The following TET3 variants were observed in gnomAD, a reference collection of about 807,000 sequenced individuals.
The protein encoded by TET3 is tet methylcytosine dioxygenase 3.
Under a neutral mutation model 141.4 loss-of-function variants are expected in TET3, and 19 were observed. The observed-to-expected ratio is 0.13, with a 90% CI of 0.09 to 0.20. The LOEUF (loss-of-function observed/expected upper bound fraction) is 0.20. TET3 is among the 10% of genes least tolerant of loss of function. The pLI is 1.00. For synonymous variants in TET3, 1,043 were observed against 980.9 expected, an observed-to-expected ratio of 1.06 and a Z score of -1.18; for missense variants, 1,874 against 2,356.9, an observed-to-expected ratio of 0.80 and a Z score of 4.24.
rs367708932 is a variant in TET3, at chr2:74,046,440, C to T, written c.523C>T (p.Arg175Trp). 47 of 1,600,330 alleles carry T rather than the reference C, an allele frequency of 2.9e-5. No homozygotes were observed. The highest frequency in any genetic ancestry group is 2.0e-4 in the East Asian group (9 of 44,856). Reference sequence around the variant, plus strand: ...TCTGCTGGGGACTGGGGGTCCTTGGCGGGTAGACCAAAAGCCCGACTGGGA... The same window carrying T: ...TCTGCTGGGGACTGGGGGTCCTTGGTGGGTAGACCAAAAGCCCGACTGGGA... The part of the protein sequence containing the change: ...PSLLGTGGPW[R>W]VDQKPDWEAA... The change falls in exon 4 of 12, where the codon CGG (arginine) becomes TGG (tryptophan). Residue 175 changes from arginine to tryptophan, a missense_variant. Arg to Trp is a moderately radical substitution (Grantham distance 101, BLOSUM62 -3). Around this residue, in one of 10 missense-constraint regions of TET3, gnomAD observed 366 missense variants for 487.0 expected, o/e 0.75. Transcript: ENST00000409262. The surrounding 1 kb of genome is among the most constrained non-coding windows in gnomAD (Gnocchi z 4.3).
intron 3 of TET3, among the ~76,000 whole-genome samples, chr2:74,022,094 CTTTTTT>C (rs34529157): frequency 7.3e-5 from 6 of 82,754 alleles, no homozygotes; most frequent in East Asian, 6.9e-4. Flanking sequence ...TTCTAGGACA[CTTTTTT>C]TTTTTTTTTT....
the TET3 span, among the ~76,000 whole-genome samples, chr2:74,118,556 G>A: frequency 6.6e-6 from 1 of 151,970 alleles, no homozygotes; most frequent in East Asian, 1.9e-4. Context: ...TATCAGTAAG[G>A]CTTCTGGTCA....
rs577582658 is a variant in TET3 at position 74,088,076 on chromosome 2, T to A, written c.2888+38T>A. ...GGGCTTCAGGGCCAGGGCCCACCTATAGGGTCCTGGGCAGCAAATACAGGA... is the reference window on the plus strand; with the variant it reads ...GGGCTTCAGGGCCAGGGCCCACCTAAAGGGTCCTGGGCAGCAAATACAGGA... On this transcript the variant is annotated intron_variant, in intron 7 of 11. Coordinates refer to ENST00000409262, the MANE Select transcript of TET3 (RefSeq NM_001287491.2). 2.3e-4 allele frequency: 354 copies of A among 1,541,600 alleles called. 1 individual carries two copies. In the South Asian group the frequency reaches 4.0e-3, roughly 17 times the overall value.
At chr2:74,075,549 G>T (rs1016409771) in intron 5 of TET3, among the ~76,000 whole-genome samples, 6 of 151,600 alleles carry the variant, frequency 4.0e-5, no homozygotes, top group African/African-American at 1.5e-4. Context: ...GGCTGGTCTC[G>T]AACTCCTGAC....
At chr2:74,057,504 C>T (rs774771847) in intron 4 of TET3, among the ~76,000 whole-genome samples, 1 of 152,230 alleles carries the variant, frequency 6.6e-6, no homozygotes. Flanking sequence ...AGAATTTGAG[C>T]ACTGTCCAGG....
chr2:74,092,590 A>G (rs928380669), intron 8 of TET3, among the ~76,000 whole-genome samples: 1 of 152,120 alleles, frequency 6.6e-6, no homozygotes. Context: ...GGTGTTCAGC[A>G]CTCGAAAGCA....
chr2:74,048,630 A>G (rs571746826), intron 4 of TET3, among the ~76,000 whole-genome samples: 1 of 152,356 alleles, frequency 6.6e-6, no homozygotes, highest in African/African-American at 2.4e-5. Context: ...AGATGGGCAT[A>G]GGTGCTTTAA....
At chr2:74,089,035 C>G (rs1225925990) in intron 7 of TET3, among the ~76,000 whole-genome samples, 1 of 138,726 alleles carries the variant, frequency 7.2e-6, no homozygotes, top group Admixed American at 7.9e-5. Context: ...GAGCCAAGAT[C>G]GTGCCATTGC....
At chr2:74,125,201 C>T in the TET3 span, among the ~76,000 whole-genome samples, 1 of 152,086 alleles carries the variant, frequency 6.6e-6, no homozygotes, top group Non-Finnish European at 1.5e-5. Context: ...AGGCTGTTCT[C>T]GAACTCCTGA....
chr2:74,056,403 A>G lies in TET3; in HGVS notation c.2494+7992A>G, dbSNP rs138216413. Among the ~76,000 whole-genome samples the G allele has an allele frequency of 3.8e-3, 575 of 152,320 alleles. 7 individuals carry two copies. Among genetic ancestry groups the G allele is most frequent in the African/African-American group, 0.013 (533 of 41,578 alleles). On this transcript the variant is annotated intron_variant, in intron 4 of 11. Transcript: ENST00000409262. ...GAAATGGAACAGAACATATTTTTCT[A>G]TTTTAATGAGTATAGAATTAAGTGC...
chr2:74,000,222 G>T (rs1253953154), intron 2 of TET3, among the ~76,000 whole-genome samples: 1 of 152,210 alleles, frequency 6.6e-6, no homozygotes, highest in Non-Finnish European at 1.5e-5. Flanking sequence ...CTGACCAGAA[G>T]AGGGGCCTCC....
chr2:74,088,097 C>G (rs1690260531), intron 7 of TET3, 59 bp downstream of exon 7: 1 of 1,493,284 alleles, frequency 6.7e-7, no homozygotes, highest in South Asian at 1.3e-5. Context: ...GCAGCAAATA[C>G]AGGAGACTGC....
intron 4 of TET3, among the ~76,000 whole-genome samples, chr2:74,056,130 T>C (rs1209151084): frequency 2.0e-5 from 3 of 152,230 alleles, no homozygotes; most frequent in Admixed American, 6.5e-5. Flanking sequence ...TTGTATACTG[T>C]CTCTCTGTAC....
Position 74,102,363 on chromosome 2 carries a change from AC to A in TET3, c.*192del, listed in dbSNP as rs1691274421. ...CTCAGAACTGACCCGCCCCTCCCTTACCCCCACTTCCCCAGCACTTTGAAGA... is the reference window on the plus strand; with the variant it reads ...CTCAGAACTGACCCGCCCCTCCCTTACCCCACTTCCCCAGCACTTTGAAGA... On this transcript the variant is annotated 3_prime_UTR_variant, in exon 12 of 12. Coordinates refer to ENST00000409262, the MANE Select transcript of TET3 (RefSeq NM_001287491.2). 2 of 863,822 alleles carry A rather than the reference AC, an allele frequency of 2.3e-6. No individual in the cohort carries two copies. Among genetic ancestry groups the A allele is most frequent in the Non-Finnish European group, 3.0e-6 (2 of 659,846 alleles). 53.5% of individuals were successfully genotyped at this position (863,822 alleles called of 1,614,324 possible).
chr2:74,060,011 G>A (rs1688419448), intron 4 of TET3, among the ~76,000 whole-genome samples: 1 of 152,124 alleles, frequency 6.6e-6, no homozygotes, highest in Non-Finnish European at 1.5e-5. Flanking sequence ...GTCTCTTGGT[G>A]CATTTATGTA....
chr2:73,991,948 G>T (rs1037020385), intron 2 of TET3, among the ~76,000 whole-genome samples: 1 of 152,106 alleles, frequency 6.6e-6, no homozygotes, highest in African/African-American at 2.4e-5. Flanking sequence ...GAGTGAGGGG[G>T]TAAAAGGCCA....
At position 74,100,614 on chromosome 2, in the gene TET3, C is replaced by T; in HGVS notation, c.3826C>T (p.His1276Tyr). The change falls in exon 12 of 12, where the codon CAC (histidine) becomes TAC (tyrosine). Residue 1276 changes from histidine (H) to tyrosine (Y), a missense_variant. Physicochemically the swap from His to Tyr is moderately conservative, Grantham distance 83. Coordinates refer to ENST00000409262, the MANE Select transcript of TET3 (RefSeq NM_001287491.2). ...QPSLTSVNGF[H>Y]SKYALPSFSY... is the part of the protein sequence containing the mutation. ...CAGCCTGACCTCCGTCAATGGCTTC[C>T]ACTCCAAGTACGCTCTCCCGTCTTT... 2 of 1,613,992 alleles carry T rather than the reference C, an allele frequency of 1.2e-6. No homozygotes were observed. Among genetic ancestry groups the T allele is most frequent in the African/African-American group, 2.7e-5 (2 of 75,050 alleles).
chr2:74,074,147 C>T (rs1405788657), intron 5 of TET3, among the ~76,000 whole-genome samples: 1 of 152,164 alleles, frequency 6.6e-6, no homozygotes, highest in Non-Finnish European at 1.5e-5. Flanking sequence ...TCCCCTAAAT[C>T]CTTTGGACAG....
At chr2:74,023,227 GTTTGA>G (rs1686149809) in intron 3 of TET3, among the ~76,000 whole-genome samples, 1 of 152,212 alleles carries the variant, frequency 6.6e-6, no homozygotes, top group South Asian at 2.1e-4. Flanking sequence ...CAGATATGTA[GTTTGA>G]TTTATTTTTA....
Sources: gnomAD v4.1 joint callset for allele counts (sites outside exome capture counted in the v4.1 genomes callset) on GRCh38, gnomAD v4.1.1 for gene constraint, gnomAD v4.1.1 regional missense constraint, Gnocchi (gnomAD v3.1) non-coding constraint, MANE v1.5 for transcripts, NCBI Gene and HGNC (gene_info 2026-07-23, HGNC 2026-07-21) for gene names.